Variants in INPP5A observed in about 807,000 individuals in gnomAD.
The protein encoded by INPP5A is 43 kDa inositol polyphosphate 5-phophatase.
Under a neutral mutation model 65.2 loss-of-function variants are expected in INPP5A, and 14 were observed. The ratio of observed to expected loss-of-function variants is 0.21; its 90% confidence interval spans 0.14 to 0.34. The LOEUF (loss-of-function observed/expected upper bound fraction) is 0.34, where lower values mean the gene tolerates loss of function less well. Ranked by LOEUF, INPP5A falls within the 10% of genes least tolerant of loss-of-function variation. INPP5A has a pLI of 1.00. For synonymous variants in INPP5A, 207 were observed against 208.3 expected (o/e 0.99, Z 0.05); for missense variants, 431 against 545.6 (o/e 0.79, Z 2.09).
chr10:132,765,014 G>A (rs59863646), intron 11 of INPP5A, among the ~76,000 whole-genome samples: 30 of 136,008 alleles, frequency 2.2e-4, no homozygotes, highest in African/African-American at 9.3e-4. Flanking sequence ...CAGGAACACG[G>A]CCGGGCCAGT....
intron 1 of INPP5A, among the ~76,000 whole-genome samples, chr10:132,540,519 G>A (rs1048448881): frequency 6.6e-6 from 1 of 152,216 alleles, no homozygotes; most frequent in Non-Finnish European, 1.5e-5. Flanking sequence ...CTCAGTCCCC[G>A]GGGGCCAGAC....
chr10:132,766,126 ATC>A (rs1376265256), intron 12 of INPP5A, among the ~76,000 whole-genome samples: 1 of 150,162 alleles, frequency 6.7e-6, no homozygotes, highest in African/African-American at 2.5e-5. Context: ...GCACCTGTGC[ATC>A]TGTGTGTGCA....
chr10:132,728,894 G>A lies in INPP5A; in HGVS notation c.732+1989G>A, dbSNP rs535904505. Among the ~76,000 whole-genome samples, 5 of 152,312 alleles carry A rather than the reference G, an allele frequency of 3.3e-5. No individual in the cohort carries two copies. In the East Asian group the frequency reaches 7.7e-4, roughly 24 times the overall value. On this transcript the variant is annotated intron_variant, in intron 9 of 15. Transcript: ENST00000368594. ...CCGGGCCGTGTGACCACAAGGCGTC[G>A]GGGGCAGTGGGAAGCCTGGGCTCCG...
chr10:132,722,755 CAG>C (rs922194531), intron 8 of INPP5A, among the ~76,000 whole-genome samples: 6 of 152,222 alleles, frequency 3.9e-5, no homozygotes, highest in African/African-American at 4.8e-5. Flanking sequence ...CTTGTCAAAA[CAG>C]AGAGAGACAC....
chr10:132,713,036 G>A (rs1285196723), intron 8 of INPP5A, among the ~76,000 whole-genome samples: 3 of 151,380 alleles, frequency 2.0e-5, no homozygotes, highest in Admixed American at 6.6e-5. Flanking sequence ...GTATGTGTGC[G>A]TGTGTGTGGG....
intron 1 of INPP5A, among the ~76,000 whole-genome samples, chr10:132,568,145 C>T (rs12784861): frequency 0.16 from 23,608 of 143,310 alleles, 2,188 homozygotes; most frequent in Admixed American, 0.27. Flanking sequence ...GAGCTGAGAT[C>T]GAGCCACTGC....
At chr10:132,766,612 A>C (rs1846850054) in intron 12 of INPP5A, among the ~76,000 whole-genome samples, 1 of 152,108 alleles carries the variant, frequency 6.6e-6, no homozygotes, top group Non-Finnish European at 1.5e-5. Context: ...CATGAGTGAG[A>C]GCATGAGTGA....
At position 132,607,799 on chromosome 10, in the gene INPP5A, G is replaced by GCGCA. The variant is rs2071878880; in HGVS notation, c.76-116_76-115insCGCA. 5 of 1,027,764 alleles carry GCGCA rather than the reference G, an allele frequency of 4.9e-6. No individual in the cohort carries two copies. The South Asian group carries it at 6.6e-5, about 14-fold the overall frequency. The allele number at this position is 1,027,764 out of a possible 1,614,324, so 63.7% of individuals were successfully genotyped here. On this transcript the variant is annotated intron_variant, in intron 1 of 15. Transcript: ENST00000368594. ...GGGTGGAGCTCCTCCATGCGGGGTGGGCCCGGGCTGCGCCTCTGCTCCTGC... is the reference window on the plus strand; with the variant it reads ...GGGTGGAGCTCCTCCATGCGGGGTGGCGCAGCCCGGGCTGCGCCTCTGCTCCTGC...
Position 132,777,752 on chromosome 10 carries a change from G to A in INPP5A, c.1059G>A (p.Met353Ile). 1.2e-6 allele frequency: 2 copies of A among 1,613,096 alleles called. No individual in the cohort carries two copies. Among genetic ancestry groups the A allele is most frequent in the East Asian group, 2.2e-5 (1 of 44,882 alleles). Residue 353 changes from methionine (M) to isoleucine (I), a missense_variant, in exon 13 of 16, where the codon ATG becomes ATA. By Grantham distance (10) the Met-to-Ile change is conservative (BLOSUM62 1). Transcript: ENST00000368594. The stretch of plus-strand genomic sequence containing the variant: ...CAGCCTGGTGTGACCGCATCCTCAT[G>A]TCCCCGTCTGCCAAGGAGCTGGTGC... ...RCPAWCDRIL[M>I]SPSAKELVLR... is the part of the protein sequence containing the mutation.
rs561991299 is a variant in INPP5A, at chr10:132,777,164, C to T, written c.978-507C>T. 2.0e-5 allele frequency among the ~76,000 whole-genome samples: 3 copies of T among 152,300 alleles called. No homozygotes were observed. The South Asian group carries it at 6.2e-4, about 32-fold the overall frequency. On this transcript the variant is annotated intron_variant, in intron 12 of 15. Coordinates refer to ENST00000368594, the MANE Select transcript of INPP5A (RefSeq NM_005539.5). ...AGTCACCCTCCACTGCAGCAGTGAC[C>T]CGGGGCCACAGCCTGAGCACCTGGA...
intron 2 of INPP5A, among the ~76,000 whole-genome samples, chr10:132,634,815 G>A (rs74442313): frequency 0.015 from 2,306 of 152,326 alleles, 33 homozygotes; most frequent in South Asian, 0.039. Flanking sequence ...CCAGGCTCTC[G>A]GCCGGCAGCC....
At chr10:132,738,513 C>T (rs1314675454) in intron 9 of INPP5A, among the ~76,000 whole-genome samples, 2 of 152,214 alleles carry the variant, frequency 1.3e-5, no homozygotes, top group East Asian at 3.9e-4. Flanking sequence ...CGGGCAGGGC[C>T]AGTCCTGTGG....
At chr10:132,736,257 C>T (rs1464229061) in intron 9 of INPP5A, among the ~76,000 whole-genome samples, 1 of 152,244 alleles carries the variant, frequency 6.6e-6, no homozygotes, top group Non-Finnish European at 1.5e-5. Flanking sequence ...CTGGGGCGCT[C>T]AGCTGGCCGT....
At chr10:132,590,002 C>T (rs1305999705) in intron 1 of INPP5A, among the ~76,000 whole-genome samples, 3 of 152,228 alleles carry the variant, frequency 2.0e-5, no homozygotes, top group East Asian at 1.9e-4. Flanking sequence ...AGCCCCTCGA[C>T]GAGACCCATG....
At chr10:132,672,602 G>A (rs2072904715) in intron 4 of INPP5A, among the ~76,000 whole-genome samples, 4 of 152,198 alleles carry the variant, frequency 2.6e-5, no homozygotes, top group Admixed American at 2.6e-4. Flanking sequence ...CCAGCCATGT[G>A]GAACTGTAAG....
chr10:132,597,709 C>T lies in INPP5A; in HGVS notation c.76-10206C>T, dbSNP rs2071722140. ...CTTTAGTGTGTGCTGCAGCGCTGTGCTACGTGTAGTGACCCTGGGCCTGTG... is the reference window on the plus strand; with the variant it reads ...CTTTAGTGTGTGCTGCAGCGCTGTGTTACGTGTAGTGACCCTGGGCCTGTG... On this transcript the variant is annotated intron_variant, in intron 1 of 15. Transcript: ENST00000368594. Among the ~76,000 whole-genome samples, 3 of 152,070 alleles carry T rather than the reference C, an allele frequency of 2.0e-5. No individual in the cohort carries two copies. In the Admixed American group the frequency reaches 2.0e-4, roughly 10 times the overall value.
At position 132,707,876 on chromosome 10, in the gene INPP5A, T is replaced by C. The variant is rs1845562906; in HGVS notation, c.475-437T>C. Reference sequence around the variant, plus strand: ...GGGATCAGTGAGAGACCACACACACTGTTGGGGTGGGCAGGTCACCCACTG... The same window carrying C: ...GGGATCAGTGAGAGACCACACACACCGTTGGGGTGGGCAGGTCACCCACTG... On this transcript the variant is annotated intron_variant, in intron 6 of 15. Coordinates refer to ENST00000368594, the MANE Select transcript of INPP5A (RefSeq NM_005539.5). This position sits in a 1 kb window ranked among gnomAD's most constrained non-coding sequence, Gnocchi z 5.5. Among the ~76,000 whole-genome samples, 3 of 152,094 alleles carry C rather than the reference T, an allele frequency of 2.0e-5. No individual in the cohort carries two copies. The highest frequency in any genetic ancestry group is 6.5e-5 in the Admixed American group (1 of 15,280).
intron 12 of INPP5A, among the ~76,000 whole-genome samples, chr10:132,772,360 A>G (rs1167964470): frequency 1.1e-4 from 10 of 95,198 alleles, no homozygotes; most frequent in Admixed American, 1.9e-4. Context: ...CACCCCATGA[A>G]GAGTGGGACG....
intron 9 of INPP5A, among the ~76,000 whole-genome samples, chr10:132,745,244 C>T (rs562497536): frequency 6.6e-6 from 1 of 152,272 alleles, no homozygotes; most frequent in Non-Finnish European, 1.5e-5. Context: ...GGCCACGATG[C>T]TCCTGGGGAC....
Sources: allele counts gnomAD v4.1 joint callset (sites outside exome capture counted in the v4.1 genomes callset), GRCh38; gene constraint gnomAD v4.1.1; non-coding constraint Gnocchi (gnomAD v3.1); transcripts MANE v1.5; gene names NCBI Gene and HGNC (gene_info 2026-07-23, HGNC 2026-07-21).